Variants in GRIN3A observed in about 807,000 individuals in gnomAD.
The protein encoded by GRIN3A is glutamate ionotropic receptor NMDA type subunit 3A, also known as glutamate receptor ionotropic, NMDA 3A.
In GRIN3A, 47 loss-of-function variants were observed where a neutral mutation model predicts 92.4. The ratio of observed to expected loss-of-function variants is 0.51; its 90% CI spans 0.40 to 0.65. The LOEUF is 0.65. GRIN3A is among the 30% of genes least tolerant of loss of function. The pLI, the probability that GRIN3A is intolerant of heterozygous loss-of-function variation, is 0.00. For missense variants in GRIN3A, 1,324 were observed against 1,393.1 expected (o/e 0.95, Z 0.79); for synonymous variants, 527 against 540.6 (o/e 0.97, Z 0.35).
chr9:101,668,140 T>C (rs1829267005), intron 3 of GRIN3A, among the ~76,000 whole-genome samples: 1 of 152,124 alleles, frequency 6.6e-6, no homozygotes, highest in African/African-American at 2.4e-5. Flanking sequence ...AGAGATGAAA[T>C]GATTATTTCT....
intron 1 of GRIN3A, 105 bp from the exon 2 acceptor site, chr9:101,687,305 T>G: frequency 8.8e-7 from 1 of 1,131,666 alleles, no homozygotes; most frequent in South Asian, 1.3e-5. Flanking sequence ...AATTTCACTG[T>G]GATACATAGT....
At chr9:101,584,571 C>A (rs577047762) in intron 6 of GRIN3A, among the ~76,000 whole-genome samples, 10 of 152,076 alleles carry the variant, frequency 6.6e-5, no homozygotes, top group Non-Finnish European at 1.3e-4. Flanking sequence ...AGTGTTTTAG[C>A]GAATTTAGGG....
chr9:101,695,987 C>A (rs1829679359), intron 1 of GRIN3A, among the ~76,000 whole-genome samples: 1 of 152,178 alleles, frequency 6.6e-6, no homozygotes, highest in Admixed American at 6.6e-5. Context: ...TACTCCCTTG[C>A]ACTCTCTTTT....
chr9:101,617,667 C>G (rs1269970127), intron 5 of GRIN3A, among the ~76,000 whole-genome samples: 1 of 150,300 alleles, frequency 6.7e-6, no homozygotes, highest in Non-Finnish European at 1.5e-5. Context: ...TATTATTATA[C>G]TTAAAGTTTT....
intron 1 of GRIN3A, among the ~76,000 whole-genome samples, chr9:101,723,317 C>A (rs910854387): frequency 3.3e-5 from 5 of 151,860 alleles, no homozygotes; most frequent in Non-Finnish European, 5.9e-5. Context: ...TGCAGACCTT[C>A]GCGGTGAGTG....
rs553491365 is a variant in GRIN3A, at chr9:101,728,215, G to A, written c.699+9066C>T. Among the ~76,000 whole-genome samples the A allele has an allele frequency of 2.6e-5, 4 of 152,254 alleles. No individual in the cohort carries two copies. The South Asian group carries it at 6.2e-4, about 24-fold the overall frequency. ...AAAACTTTTCTTTTTAATCTGGGGA[G>A]TATTAACACAACTTCTGTTTGGCTT... On this transcript the variant is annotated intron_variant, in intron 1 of 8. Transcript: ENST00000361820.
chr9:101,616,050 C>T (rs1045029965), intron 5 of GRIN3A, among the ~76,000 whole-genome samples: 5 of 152,190 alleles, frequency 3.3e-5, no homozygotes, highest in Non-Finnish European at 5.9e-5. Flanking sequence ...CATTCCATTA[C>T]AGCAGAGACC....
chr9:101,730,415 T>G (rs1830124112), intron 1 of GRIN3A, among the ~76,000 whole-genome samples: 1 of 152,168 alleles, frequency 6.6e-6, no homozygotes, highest in Non-Finnish European at 1.5e-5. Flanking sequence ...ATCAACATCA[T>G]AAGAACACAC....
chr9:101,598,090 T>C (rs1040283129), intron 6 of GRIN3A, among the ~76,000 whole-genome samples: 21 of 152,196 alleles, frequency 1.4e-4, no homozygotes, highest in African/African-American at 5.1e-4. Context: ...TAATTATATA[T>C]GTACTTTTAA....
Position 101,723,363 on chromosome 9 carries a change from G to C in GRIN3A, c.699+13918C>G, listed in dbSNP as rs554891753. 1.7e-3 allele frequency among the ~76,000 whole-genome samples: 255 copies of C among 152,076 alleles called. 2 individuals carry two copies. The highest frequency in any genetic ancestry group is 5.8e-3 in the African/African-American group (242 of 41,496). On this transcript the variant is annotated intron_variant, in intron 1 of 8. Coordinates refer to ENST00000361820, the MANE Select transcript of GRIN3A (RefSeq NM_133445.3). ...TAAGGCAGCGCGTCTGGAGTTGTTCGTTCCTCCCGGTGGGCTTGTGGTCTC... is the reference window on the plus strand; with the variant it reads ...TAAGGCAGCGCGTCTGGAGTTGTTCCTTCCTCCCGGTGGGCTTGTGGTCTC...
At position 101,737,914 on chromosome 9, in the gene GRIN3A, T is replaced by C; in HGVS notation, c.66A>G (p.Ala22=). The C allele has an allele frequency of 1.3e-6, 2 of 1,536,156 alleles. No individual in the cohort carries two copies. Among genetic ancestry groups the C allele is most frequent in the South Asian group, 2.4e-5 (2 of 84,104 alleles). The part of the protein sequence containing the change: ...RVCLLLPPPC[A]LVLAGVPSSS... ...AGCTGGGCACCCCGGCCAGCACCAG[T>C]GCGCAGGGCGGCGGCAACAGCAGAC... Residue 22 remains alanine (A), a synonymous_variant, in exon 1 of 9, where the codon GCA becomes GCG. Transcript: ENST00000361820.
At chr9:101,711,664 A>C (rs1829880820) in intron 1 of GRIN3A, among the ~76,000 whole-genome samples, 1 of 152,036 alleles carries the variant, frequency 6.6e-6, no homozygotes, top group Admixed American at 6.6e-5. Flanking sequence ...CACCCCAGCA[A>C]TACTTCTTCA....
intron 1 of GRIN3A, among the ~76,000 whole-genome samples, chr9:101,693,018 G>A (rs541858973): frequency 1.4e-4 from 21 of 152,144 alleles, no homozygotes; most frequent in African/African-American, 4.6e-4. Flanking sequence ...ATGGCCTCAT[G>A]AGGTGACTGC....
At chr9:101,707,622 GT>G (rs1829829167) in intron 1 of GRIN3A, among the ~76,000 whole-genome samples, 1 of 152,084 alleles carries the variant, frequency 6.6e-6, no homozygotes, top group Non-Finnish European at 1.5e-5. Context: ...CATTGATTTT[GT>G]TTTGATTTAG....
chr9:101,654,399 C>T (rs1199199305), intron 3 of GRIN3A, among the ~76,000 whole-genome samples: 1 of 151,224 alleles, frequency 6.6e-6, no homozygotes, highest in Non-Finnish European at 1.5e-5. Flanking sequence ...TATACAAATA[C>T]TCTATGTTAT....
intron 3 of GRIN3A, among the ~76,000 whole-genome samples, chr9:101,644,478 AC>A (rs1158594351): frequency 1.6e-4 from 24 of 150,734 alleles, no homozygotes; most frequent in African/African-American, 5.2e-4. Flanking sequence ...AAAAAAAAAA[AC>A]ACAGTGTGAA....
chr9:101,594,606 A>G, intron 6 of GRIN3A: 1 of 1,614,222 alleles, frequency 6.2e-7, no homozygotes, highest in Non-Finnish European at 8.5e-7. Flanking sequence ...TTGGAAATGT[A>G]GCCATCTTTA....
Position 101,571,153 on chromosome 9 carries a change from A to G in GRIN3A, c.*2021T>C, listed in dbSNP as rs985710869. 3 of 152,168 alleles carry G rather than the reference A, an allele frequency of 2.0e-5. No homozygotes were observed. The highest frequency in any genetic ancestry group is 2.1e-4 in the South Asian group (1 of 4,818). 9.4% of individuals were successfully genotyped at this position (152,168 alleles called of 1,614,324 possible). On this transcript the variant is annotated 3_prime_UTR_variant, in exon 9 of 9. Coordinates refer to ENST00000361820, the MANE Select transcript of GRIN3A (RefSeq NM_133445.3). The stretch of plus-strand genomic sequence containing the variant: ...AGGGGATGGGGTGTTTCAACACAGA[A>G]CTGTCCTTTTGTGTTTTCAGGGCTC...
At chr9:101,630,894 A>G (rs1281173978) in intron 3 of GRIN3A, among the ~76,000 whole-genome samples, 1 of 152,196 alleles carries the variant, frequency 6.6e-6, no homozygotes, top group Non-Finnish European at 1.5e-5. Context: ...CCTTGCAGGT[A>G]GTCTATATCT....
Sources: allele counts gnomAD v4.1 joint callset (sites outside exome capture counted in the v4.1 genomes callset), GRCh38; gene constraint gnomAD v4.1.1; transcripts MANE v1.5; gene names NCBI Gene and HGNC (gene_info 2026-07-23, HGNC 2026-07-21).